CSMD1: variants seen among roughly 807,000 people sequenced by gnomAD.
The protein encoded by CSMD1 is CUB and Sushi multiple domains 1, also known as CUB and sushi domain-containing protein 1.
Under a neutral mutation model 417.5 loss-of-function variants are expected in CSMD1, and 213 were observed. That is an observed-to-expected ratio of 0.51 (90% CI 0.46 to 0.57). CSMD1 has a LOEUF of 0.57. CSMD1 is among the 20% of genes least tolerant of loss of function. CSMD1 has a pLI of 0.00. For synonymous variants in CSMD1, 2,862 were observed against 1,736.8 expected (o/e 1.65, Z -16.11); for missense variants, 6,923 against 4,529.7 (o/e 1.53, Z -15.17).
Position 3,613,955 on chromosome 8 carries a change from G to A in CSMD1, c.1097+2755C>T, listed in dbSNP as rs552726512. ...AAAAAGAAATAAAAAAAATCCGATT[G>A]GAAAGCAAAAATTAAAAATCCTTTT... On this transcript the variant is annotated intron_variant, in intron 8 of 69. Coordinates refer to ENST00000635120, the MANE Select transcript of CSMD1 (RefSeq NM_033225.6). Among the ~76,000 whole-genome samples the A allele has an allele frequency of 1.4e-4, 21 of 151,746 alleles. No homozygotes were observed. The East Asian group carries it at 2.7e-3, about 20-fold the overall frequency.
intron 11 of CSMD1, among the ~76,000 whole-genome samples, chr8:3,482,419 G>C (rs536424874): frequency 7.2e-5 from 11 of 152,066 alleles, no homozygotes; most frequent in Non-Finnish European, 1.0e-4. Context: ...AAGTATCAGA[G>C]ACAAAGAGGG....
chr8:4,681,118 T>A (rs1408132860), intron 1 of CSMD1, among the ~76,000 whole-genome samples: 2 of 152,154 alleles, frequency 1.3e-5, no homozygotes, highest in Non-Finnish European at 2.9e-5. Context: ...TTAACGAAGA[T>A]GAAAGCAAAC....
chr8:3,839,320 T>C (rs1563133012), intron 5 of CSMD1, among the ~76,000 whole-genome samples: 1 of 123,314 alleles, frequency 8.1e-6, no homozygotes, highest in African/African-American at 3.1e-5. Context: ...TATTAATATA[T>C]ATTAATTATA....
At chr8:4,423,769 G>C (rs1051504298) in intron 2 of CSMD1, among the ~76,000 whole-genome samples, 2 of 151,970 alleles carry the variant, frequency 1.3e-5, no homozygotes, top group Non-Finnish European at 2.9e-5. Flanking sequence ...CATTTTGCGA[G>C]AGAAGAATAA....
chr8:4,567,898 T>C (rs1430807158), intron 2 of CSMD1, among the ~76,000 whole-genome samples: 1 of 152,212 alleles, frequency 6.6e-6, no homozygotes, highest in Non-Finnish European at 1.5e-5. Context: ...CATTTTTTAA[T>C]GAGTTCACTT....
Position 4,325,378 on chromosome 8 carries a change from G to A in CSMD1, c.415+94575C>T, listed in dbSNP as rs143818161. Among the ~76,000 whole-genome samples, 572 of 152,228 alleles carry A rather than the reference G, an allele frequency of 3.8e-3. 3 individuals carry two copies. Among genetic ancestry groups the A allele is most frequent in the African/African-American group, 0.013 (552 of 41,542 alleles). On this transcript the variant is annotated intron_variant, in intron 3 of 69. Transcript: ENST00000635120. ...AAGTCTTAGATAATCCCAAGAGACAGACCTCCAAATCCCACTGTGATCTGC... is the reference window on the plus strand; with the variant it reads ...AAGTCTTAGATAATCCCAAGAGACAAACCTCCAAATCCCACTGTGATCTGC...
intron 27 of CSMD1, among the ~76,000 whole-genome samples, chr8:3,226,411 A>G (rs1341482496): frequency 6.6e-6 from 1 of 151,838 alleles, no homozygotes; most frequent in African/African-American, 2.4e-5. Flanking sequence ...AGCAAAACCT[A>G]GTCTCTACTA....
rs1360298897 is a variant in CSMD1 at position 4,124,573 on chromosome 8, T to C, written c.416-92474A>G. Among the ~76,000 whole-genome samples, 6 of 152,138 alleles carry C rather than the reference T, an allele frequency of 3.9e-5. No individual in the cohort carries two copies. In the East Asian group the frequency reaches 1.2e-3, roughly 29 times the overall value. ...CTTTGTGGCCACCTGCGCCCGGTAG[T>C]GGGGACCATCTGGGGTTTCCTGTGC... On this transcript the variant is annotated intron_variant, in intron 3 of 69. Transcript: ENST00000635120.
At chr8:2,985,177 C>G (rs1054765886) in intron 54 of CSMD1, among the ~76,000 whole-genome samples, 6 of 152,190 alleles carry the variant, frequency 3.9e-5, no homozygotes, top group African/African-American at 1.4e-4. Flanking sequence ...AACCTTAATT[C>G]TGTAAGCAGA....
At chr8:4,045,094 G>T (rs1410195957) in intron 3 of CSMD1, among the ~76,000 whole-genome samples, 2 of 152,138 alleles carry the variant, frequency 1.3e-5, no homozygotes, top group Non-Finnish European at 2.9e-5. Context: ...CACAGACGGG[G>T]CACAGGGAGA....
chr8:4,454,421 G>C (rs987022865), intron 2 of CSMD1, among the ~76,000 whole-genome samples: 3 of 152,034 alleles, frequency 2.0e-5, no homozygotes, highest in South Asian at 2.1e-4. Context: ...GATCTTCTTT[G>C]GATACCCTAC....
intron 5 of CSMD1, among the ~76,000 whole-genome samples, chr8:3,860,960 C>T (rs1279059750): frequency 6.6e-6 from 1 of 152,126 alleles, no homozygotes; most frequent in East Asian, 1.9e-4. Context: ...ATACTTCATG[C>T]AAAATGAAAT....
rs1351222279 is a variant in CSMD1, at chr8:3,297,874, C to T, written c.3950+9821G>A. Reference sequence around the variant, plus strand: ...AAAATGAGTAAAAATTATTATGACTCATTGGAATTAAAAACCTGTGTTTAT... The same window carrying T: ...AAAATGAGTAAAAATTATTATGACTTATTGGAATTAAAAACCTGTGTTTAT... On this transcript the variant is annotated intron_variant, in intron 25 of 69. Transcript: ENST00000635120. Among the ~76,000 whole-genome samples the T allele has an allele frequency of 2.6e-5, 4 of 152,008 alleles. No individual in the cohort carries two copies. The South Asian group carries it at 8.3e-4, about 32-fold the overall frequency.
In CSMD1 at chr8:4,754,001, G is replaced by T. The variant is rs895114480; in HGVS notation, c.86-116443C>A. Among the ~76,000 whole-genome samples the T allele has an allele frequency of 2.6e-5, 4 of 152,128 alleles. No individual in the cohort carries two copies. The East Asian group carries it at 5.8e-4, about 22-fold the overall frequency. ...AATACAGGAAGAGTAAAAATAGTCT[G>T]CCCAGCTAAAGATTCGCTTTGAAGG... On this transcript the variant is annotated intron_variant, in intron 1 of 69. Transcript: ENST00000635120.
intron 2 of CSMD1, among the ~76,000 whole-genome samples, chr8:4,612,349 T>TC (rs1801223241): frequency 1.4e-5 from 2 of 144,456 alleles, no homozygotes; most frequent in Non-Finnish European, 3.0e-5. Flanking sequence ...ACTTTCAGAA[T>TC]TGAAAAAAAA....
intron 10 of CSMD1, among the ~76,000 whole-genome samples, chr8:3,555,380 A>C (rs1023576416): frequency 2.0e-5 from 3 of 152,080 alleles, no homozygotes; most frequent in African/African-American, 7.2e-5. Context: ...TGACAGTCTG[A>C]ACGCTGTAAG....
chr8:2,965,075 G>C (rs1276781126), intron 59 of CSMD1, among the ~76,000 whole-genome samples: 2 of 152,134 alleles, frequency 1.3e-5, no homozygotes, highest in African/African-American at 4.8e-5. Context: ...TGATAAGAAA[G>C]TCTGGATAGT....
Position 3,748,059 on chromosome 8 carries a change from G to A in CSMD1, c.931+5871C>T, listed in dbSNP as rs7843194. On this transcript the variant is annotated intron_variant, in intron 6 of 69. Transcript: ENST00000635120. ...CAGGTAGAAGGGGTACTGGCTAATC[G>A]TAAGTACTTAATGAAAAGTGCAGAG... is the stretch of plus-strand genomic sequence containing the variant. Among the ~76,000 whole-genome samples the A allele has an allele frequency of 3.9e-5, 6 of 152,056 alleles. No homozygotes were observed. The South Asian group carries it at 6.2e-4, about 16-fold the overall frequency.
At chr8:3,874,080 G>A (rs1343730887) in intron 5 of CSMD1, among the ~76,000 whole-genome samples, 2 of 152,192 alleles carry the variant, frequency 1.3e-5, no homozygotes, top group Non-Finnish European at 2.9e-5. Context: ...GAAGTTCTCT[G>A]TGCTATCCTC....
Sources: gnomAD v4.1 joint callset for allele counts (sites outside exome capture counted in the v4.1 genomes callset) on GRCh38, gnomAD v4.1.1 for gene constraint, MANE v1.5 for transcripts, NCBI Gene and HGNC (gene_info 2026-07-23, HGNC 2026-07-21) for gene names.